The following SSUH2 variants were observed in gnomAD, a reference collection of about 807,000 sequenced individuals.
SSUH2 encodes the protein ssu-2 homolog, also known as protein SSUH2 homolog.
Under a neutral mutation model 55.3 loss-of-function variants are expected in SSUH2, and 47 were observed. The observed-to-expected ratio is 0.85, with a 90% CI of 0.67 to 1.08. The LOEUF is 1.08. Among genes scored for constraint, SSUH2 ranks in the 50% least tolerant of loss-of-function variants. The pLI is 0.00. For missense variants in SSUH2, 535 were observed against 490.7 expected (o/e 1.09, Z -0.85); for synonymous variants, 212 against 191.5 (o/e 1.11, Z -0.89).
chr3:8,631,066 A>G, intron 5 of SSUH2, 137 bp from the exon 6 acceptor site: 1 of 922,292 alleles, frequency 1.1e-6, no homozygotes, highest in Non-Finnish European at 1.4e-6. Flanking sequence ...ATGGATAGTC[A>G]AGGCCTTCCT....
intron 5 of SSUH2, 67 bp from the exon 6 acceptor site, chr3:8,630,996 C>CAA: frequency 7.6e-7 from 1 of 1,319,402 alleles, no homozygotes. Context: ...ATTTATCCAG[C>CAA]AAACAGCATG....
At chr3:8,646,048 G>T (rs1410006807), upstream of SSUH2, among the ~76,000 whole-genome samples, 3 of 152,186 alleles carry the variant, frequency 2.0e-5, no homozygotes, top group Non-Finnish European at 4.4e-5. Flanking sequence ...ATGATCCTGA[G>T]GAACAAATGT....
chr3:8,669,271 C>A (rs1704288954), intron 5 of SSUH2, among the ~76,000 whole-genome samples: 1 of 151,972 alleles, frequency 6.6e-6, no homozygotes, highest in Non-Finnish European at 1.5e-5. Context: ...AACTGAGCAA[C>A]AAAATAAGTA....
At chr3:8,627,975 A>T (rs183398630) in intron 7 of SSUH2, among the ~76,000 whole-genome samples, 192 bp from the exon 8 acceptor site, 1 of 151,852 alleles carries the variant, frequency 6.6e-6, no homozygotes, top group Non-Finnish European at 1.5e-5. Context: ...CAAAGCCTCC[A>T]CTCCCTAAGA....
At position 8,630,832 on chromosome 3, in the gene SSUH2, GAA is replaced by G. The variant is rs1364530228; in HGVS notation, c.496_497del (p.Phe166ProfsTer96). 3 of 1,496,086 alleles carry G rather than the reference GAA, an allele frequency of 2.0e-6. No individual in the cohort carries two copies. Among genetic ancestry groups the G allele is most frequent in the Non-Finnish European group, 2.7e-6 (3 of 1,122,860 alleles). The allele number at this position is 1,496,086 out of a possible 1,614,324, so 92.7% of individuals were successfully genotyped here. Reference sequence around the variant, plus strand: ...TGACCAGTGACGAGTGAGGGACCTGGAACTTCCTGGTGTCTTCCTGAAACATC... The same window carrying G: ...TGACCAGTGACGAGTGAGGGACCTGGCTTCCTGGTGTCTTCCTGAAACATC... ...PPMFQEDTRK[F>X]QVPHSSLVKE... On this transcript the variant is annotated frameshift_variant, in exon 6 of 12. Transcript: ENST00000544814. LOFTEE classifies it high-confidence loss of function.
intron 1 of SSUH2, among the ~76,000 whole-genome samples, chr3:8,680,467 G>T (rs1362120040): frequency 6.6e-6 from 1 of 152,012 alleles, no homozygotes; most frequent in Non-Finnish European, 1.5e-5. Flanking sequence ...GTCTGTACTG[G>T]GAGTAATATC....
chr3:8,629,715 T>C lies in SSUH2; in HGVS notation c.537A>G (p.Lys179=). 6.2e-7 allele frequency: 1 copy of C among 1,614,162 alleles called. No individual in the cohort carries two copies. Among genetic ancestry groups the C allele is most frequent in the Middle Eastern group, 1.6e-4 (1 of 6,062 alleles). Residue 179 remains lysine (K), a synonymous_variant, in exon 7 of 12, where the codon AAA becomes AAG. Transcript: ENST00000544814. The part of the protein sequence containing the change: ...PHSSLVKECH[K]CHGRGRYKCS... ...ACTTGTACCGCCCACGCCCATGGCATTTGTGGCATTCCTGAAAGTGCAACG... is the reference window on the plus strand; with the variant it reads ...ACTTGTACCGCCCACGCCCATGGCACTTGTGGCATTCCTGAAAGTGCAACG...
At chr3:8,620,148 G>A in intron 11 of SSUH2, 134 bp from the exon 12 acceptor site, 4 of 943,268 alleles carry the variant, frequency 4.2e-6, no homozygotes, top group Non-Finnish European at 6.2e-6. Context: ...ATATGGTTTG[G>A]CTCTGTGTTC....
intron 1 of SSUH2, among the ~76,000 whole-genome samples, chr3:8,638,058 G>A (rs1026837184): frequency 3.9e-5 from 6 of 152,188 alleles, no homozygotes; most frequent in African/African-American, 1.4e-4. Flanking sequence ...GCCCATCCCT[G>A]ACTTAGACAC....
chr3:8,649,366 CT>C (rs1254862727), upstream of SSUH2, among the ~76,000 whole-genome samples: 1 of 152,144 alleles, frequency 6.6e-6, no homozygotes, highest in African/African-American at 2.4e-5. Context: ...CTCCTCTCCC[CT>C]GATCTCTAAA....
chr3:8,662,292 C>T lies in SSUH2; in HGVS notation c.-396+1452G>A, dbSNP rs114499884. On this transcript the variant is annotated intron_variant, in intron 6 of 18. Coordinates refer to the SSUH2 transcript ENST00000317371. ...TTGTCCTCTAACAAAACCTGTGTCC[C>T]CTAACAGAAGCTGAGTGTGAAATGC... Among the ~76,000 whole-genome samples, 335 of 152,272 alleles carry T rather than the reference C, an allele frequency of 2.2e-3. 1 individual carries two copies. Among genetic ancestry groups the T allele is most frequent in the Middle Eastern group, 0.01 (3 of 294 alleles).
rs1699838685 is a variant in SSUH2, at chr3:8,635,840, A to G, written c.46T>C (p.Phe16Leu). The stretch of plus-strand genomic sequence containing the variant: ...GGCGCCAGAGGACTCTCGGCCTCAA[A>G]ACTGAGGTCCACCACACCTGCAGAA... ...NEDDSVVDLSFEAESPLAPPT... is the reference protein window; with the variant it reads ...NEDDSVVDLSLEAESPLAPPT... Residue 16 changes from phenylalanine to leucine, a missense_variant, in exon 2 of 12, where the codon TTT becomes CTT. Coordinates refer to ENST00000544814, the MANE Select transcript of SSUH2 (RefSeq NM_001256748.3). The G allele has an allele frequency of 1.3e-6, 2 of 1,535,926 alleles. No individual in the cohort carries two copies. The highest frequency in any genetic ancestry group is 8.7e-7 in the Non-Finnish European group (1 of 1,146,852).
At chr3:8,627,915 T>C in intron 7 of SSUH2, 132 bp from the exon 8 acceptor site, 1 of 603,584 alleles carries the variant, frequency 1.7e-6, no homozygotes. Context: ...ATCTGTAAAA[T>C]GGTGCGGGGT....
intron 1 of SSUH2, among the ~76,000 whole-genome samples, chr3:8,637,969 C>T (rs935708316): frequency 6.6e-6 from 1 of 152,144 alleles, no homozygotes; most frequent in Admixed American, 6.5e-5. Context: ...AAAAACCAGA[C>T]AATAGAAGCT....
intron 3 of SSUH2, among the ~76,000 whole-genome samples, chr3:8,674,470 G>A (rs1254162534): frequency 2.6e-5 from 4 of 152,186 alleles, no homozygotes; most frequent in Admixed American, 1.3e-4. Context: ...GATGGTCGGG[G>A]TAGAGACATT....
At chr3:8,622,667 G>A (rs776527052) in intron 11 of SSUH2, among the ~76,000 whole-genome samples, 4 of 152,252 alleles carry the variant, frequency 2.6e-5, no homozygotes, top group Admixed American at 2.0e-4. Flanking sequence ...AAGATGATCC[G>A]TATTCATGTA....
intron 3 of SSUH2, among the ~76,000 whole-genome samples, chr3:8,675,681 A>G (rs1185774441): frequency 2.0e-5 from 3 of 152,300 alleles, no homozygotes; most frequent in South Asian, 2.1e-4. Flanking sequence ...GGGGTTTTGT[A>G]GACTGTGGAT....
intron 3 of SSUH2, 86 bp from the exon 4 acceptor site, chr3:8,633,881 C>G: frequency 6.2e-7 from 1 of 1,613,930 alleles, no homozygotes; most frequent in Non-Finnish European, 8.5e-7. Flanking sequence ...AACGTGCAGG[C>G]GAGAAACTGA....
intron 8 of SSUH2, chr3:8,627,469 A>G (rs755657443): frequency 2.3e-5 from 9 of 398,208 alleles, no homozygotes; most frequent in Non-Finnish European, 3.6e-5. Context: ...CTTTCTTCAC[A>G]CTCTTTCCAC....
Sources: allele counts gnomAD v4.1 joint callset (sites outside exome capture counted in the v4.1 genomes callset), GRCh38; gene constraint gnomAD v4.1.1; transcripts MANE v1.5; gene names NCBI Gene and HGNC (gene_info 2026-07-23, HGNC 2026-07-21).